The following CTNNA3 variants were observed in gnomAD, a reference collection of about 807,000 sequenced individuals.
The protein encoded by CTNNA3 is catenin alpha-3.
CTNNA3 carries 76 observed loss-of-function variants against 95.7 expected under a neutral mutation model. The observed-to-expected ratio is 0.79, with a 90% CI of 0.66 to 0.96. CTNNA3 has a LOEUF of 0.96. CTNNA3 is among the 40% of genes least tolerant of loss of function. The probability of loss-of-function intolerance (pLI) is 0.00; values close to 1 mark genes in which losing one functional copy is unlikely to be tolerated. For missense variants in CTNNA3, 1,191 were observed against 1,089.8 expected (o/e 1.09, Z -1.31); for synonymous variants, 431 against 374.4 (o/e 1.15, Z -1.74).
chr10:66,995,967 T>C (rs1056885288), intron 7 of CTNNA3, among the ~76,000 whole-genome samples: 1 of 152,236 alleles, frequency 6.6e-6, no homozygotes, highest in South Asian at 2.1e-4. Context: ...CCTATAAACA[T>C]AAATTATTTT....
At chr10:67,692,094 G>C (rs1453229670) in intron 1 of CTNNA3, among the ~76,000 whole-genome samples, 4 of 147,048 alleles carry the variant, frequency 2.7e-5, no homozygotes, top group African/African-American at 1.0e-4. Context: ...CGCCCGGCCA[G>C]CTGCCCCCTC....
intron 7 of CTNNA3, among the ~76,000 whole-genome samples, chr10:66,849,869 T>G (rs897269537): frequency 2.6e-5 from 4 of 151,796 alleles, no homozygotes; most frequent in Non-Finnish European, 5.9e-5. Flanking sequence ...ACTGCTAAGA[T>G]TTATTGAATG....
intron 1 of CTNNA3, among the ~76,000 whole-genome samples, chr10:67,662,285 G>A (rs1840211121): frequency 6.6e-6 from 1 of 152,066 alleles, no homozygotes; most frequent in Admixed American, 6.6e-5. Context: ...TAATAAAATA[G>A]AATGATTTTA....
At chr10:67,005,137 T>C (rs1304902819) in intron 7 of CTNNA3, among the ~76,000 whole-genome samples, 1 of 152,180 alleles carries the variant, frequency 6.6e-6, no homozygotes, top group African/African-American at 2.4e-5. Flanking sequence ...TTTACCTGGA[T>C]AATAAATTAA....
intron 7 of CTNNA3, among the ~76,000 whole-genome samples, chr10:67,044,487 A>G (rs1279877284): frequency 6.6e-6 from 1 of 152,178 alleles, no homozygotes; most frequent in African/African-American, 2.4e-5. Flanking sequence ...ATGCAATGTT[A>G]GAAAGATCAC....
chr10:67,033,104 C>G (rs1318243605), intron 7 of CTNNA3, among the ~76,000 whole-genome samples: 1 of 152,106 alleles, frequency 6.6e-6, no homozygotes, highest in African/African-American at 2.4e-5. Context: ...CTTAAAAGAA[C>G]TATTTTAACA....
At chr10:66,598,635 A>G (rs996295856) in intron 10 of CTNNA3, among the ~76,000 whole-genome samples, 2 of 152,032 alleles carry the variant, frequency 1.3e-5, no homozygotes, top group Non-Finnish European at 2.9e-5. Flanking sequence ...TCAAGAGAAT[A>G]ATTATATTTA....
chr10:66,526,167 C>A (rs1841251318), intron 10 of CTNNA3, among the ~76,000 whole-genome samples: 1 of 151,932 alleles, frequency 6.6e-6, no homozygotes, highest in Admixed American at 6.6e-5. Context: ...GGTATATGCC[C>A]AGAAATGGAA....
At chr10:67,531,815 T>G (rs934649825) in intron 4 of CTNNA3, among the ~76,000 whole-genome samples, 3 of 152,128 alleles carry the variant, frequency 2.0e-5, no homozygotes, top group Non-Finnish European at 4.4e-5. Context: ...AATTCCCACA[T>G]GTCATGGGAG....
At chr10:67,430,645 T>C (rs1846080176) in intron 5 of CTNNA3, among the ~76,000 whole-genome samples, 1 of 151,870 alleles carries the variant, frequency 6.6e-6, no homozygotes, top group Non-Finnish European at 1.5e-5. Flanking sequence ...TATTCAAAAA[T>C]AGTTATTAAA....
intron 9 of CTNNA3, among the ~76,000 whole-genome samples, chr10:66,683,265 T>C (rs1484840606): frequency 6.6e-6 from 1 of 152,036 alleles, no homozygotes; most frequent in African/African-American, 2.4e-5. Flanking sequence ...TATTCTATAG[T>C]CTTTGGGAAT....
At chr10:66,092,266 C>G (rs757254914) in intron 14 of CTNNA3, among the ~76,000 whole-genome samples, 1 of 151,974 alleles carries the variant, frequency 6.6e-6, no homozygotes, top group African/African-American at 2.4e-5. Flanking sequence ...TGGTTTTTAA[C>G]TTTCTGCTTC....
At chr10:67,542,910 T>C (rs1840726958) in intron 3 of CTNNA3, among the ~76,000 whole-genome samples, 1 of 152,152 alleles carries the variant, frequency 6.6e-6, no homozygotes. Flanking sequence ...TCTAGAATAT[T>C]AGCATCTATG....
At chr10:65,980,131 G>A (rs1022743282) in intron 16 of CTNNA3, among the ~76,000 whole-genome samples, 7 of 151,960 alleles carry the variant, frequency 4.6e-5, no homozygotes, top group African/African-American at 7.2e-5. Flanking sequence ...AAATTAGAAC[G>A]AAATGGGAGA....
intron 5 of CTNNA3, among the ~76,000 whole-genome samples, chr10:67,364,585 GACAA>G (rs1231282354): frequency 6.6e-5 from 10 of 152,142 alleles, no homozygotes; most frequent in Non-Finnish European, 1.3e-4. Context: ...ACCAATAGCA[GACAA>G]ACAGAGAGCC....
At chr10:67,249,916 C>T (rs1281362547) in intron 5 of CTNNA3, among the ~76,000 whole-genome samples, 3 of 152,288 alleles carry the variant, frequency 2.0e-5, no homozygotes, top group African/African-American at 2.4e-5. Context: ...GGGTAGAACA[C>T]GCATACTTCA....
intron 7 of CTNNA3, among the ~76,000 whole-genome samples, chr10:67,136,769 T>C (rs980251922): frequency 6.6e-6 from 1 of 152,100 alleles, no homozygotes; most frequent in Non-Finnish European, 1.5e-5. Context: ...GCACAAGAAA[T>C]CTTGCCAGGG....
At chr10:67,084,145 C>T (rs1366346218) in intron 7 of CTNNA3, among the ~76,000 whole-genome samples, 1 of 152,042 alleles carries the variant, frequency 6.6e-6, no homozygotes, top group Non-Finnish European at 1.5e-5. Flanking sequence ...ATTCACTTAT[C>T]ACTTTTAACT....
rs188610535 is a variant in CTNNA3, at chr10:67,556,691, T to C, written c.293-17022A>G. ...TAGCAGTCTATCAATTTTGTTGATC[T>C]TTTCAAAAAACCAGCTCCTGGATTC... On this transcript the variant is annotated intron_variant, in intron 3 of 17. Transcript: ENST00000433211. Among the ~76,000 whole-genome samples, 139 of 152,278 alleles carry C rather than the reference T, an allele frequency of 9.1e-4. 2 individuals are homozygous for C. In the East Asian group the frequency reaches 0.012, roughly 13 times the overall value.
Sources: gnomAD v4.1 joint callset for allele counts (sites outside exome capture counted in the v4.1 genomes callset) on GRCh38, gnomAD v4.1.1 for gene constraint, MANE v1.5 for transcripts, NCBI Gene and HGNC (gene_info 2026-07-23, HGNC 2026-07-21) for gene names.